Variants in ALAD observed in about 807,000 individuals in gnomAD.
ALAD encodes delta-aminolevulinic acid dehydratase.
Under a neutral mutation model 44.4 loss-of-function variants are expected in ALAD, and 20 were observed. That is an observed-to-expected ratio of 0.45 (90% CI 0.32 to 0.65). The LOEUF (loss-of-function observed/expected upper bound fraction) is 0.65, where lower values mean the gene tolerates loss of function less well. ALAD is among the 30% of genes least tolerant of loss of function. The pLI is 0.05. For missense variants in ALAD, 323 were observed against 445.7 expected (o/e 0.72, Z 2.48); for synonymous variants, 156 against 167.9 (o/e 0.93, Z 0.55).
At chr9:113,395,950 T>C (rs549531652) in intron 1 of ALAD, among the ~76,000 whole-genome samples, 9 of 152,172 alleles carry the variant, frequency 5.9e-5, no homozygotes, top group African/African-American at 1.9e-4. Context: ...TCCCAGCACT[T>C]TGGGAGGCCG....
intron 11 of ALAD, among the ~76,000 whole-genome samples, 196 bp downstream of exon 11, chr9:113,388,781 T>C (rs1267321516): frequency 6.6e-6 from 1 of 152,198 alleles, no homozygotes; most frequent in Non-Finnish European, 1.5e-5. Context: ...CAACCAAAAA[T>C]GAAGGGCTCT....
chr9:113,390,695 G>C lies in ALAD; in HGVS notation c.398-19C>G. The C allele has an allele frequency of 6.2e-7, 1 of 1,612,018 alleles. No homozygotes were observed. The highest frequency in any genetic ancestry group is 1.1e-5 in the South Asian group (1 of 90,746). ...AGGAGCCCTTCAGGACAGATGACTG[G>C]GTTTTGGGGAGCACCTTGGGCCCTG... On this transcript the variant is annotated intron_variant, in intron 5 of 11. Coordinates refer to ENST00000409155, the MANE Select transcript of ALAD (RefSeq NM_000031.6).
In ALAD at chr9:113,390,921, A is replaced by T; in HGVS notation, c.274T>A (p.Ser92Thr). 6.2e-7 allele frequency: 1 copy of T among 1,614,076 alleles called. No individual in the cohort carries two copies. Among genetic ancestry groups the T allele is most frequent in the Non-Finnish European group, 8.5e-7 (1 of 1,180,010 alleles). ...PSRVPKDERGSAADSEESPAI... is the reference protein window; with the variant it reads ...PSRVPKDERGTAADSEESPAI... ...GGGGACTCCTCGGAGTCAGCTGCGGAACCCCGCTCGTCCTAGGGGCAGGGG... is the reference window on the plus strand; with the variant it reads ...GGGGACTCCTCGGAGTCAGCTGCGGTACCCCGCTCGTCCTAGGGGCAGGGG... Residue 92 changes from serine to threonine, a missense_variant, in exon 5 of 12, where the codon TCC (serine) becomes ACC (threonine). By Grantham distance (58) the Ser-to-Thr change is moderately conservative. Transcript: ENST00000409155.
Position 113,388,107 on chromosome 9 carries a change from A to G in ALAD, c.*193T>C. The stretch of plus-strand genomic sequence containing the variant: ...GGGGCGGGGAAGCTTGGGAGAGCTC[A>G]TAGGATGCAGCTGCGAGTTACAAGA... On this transcript the variant is annotated 3_prime_UTR_variant, in exon 12 of 12. Transcript: ENST00000409155. The G allele has an allele frequency of 3.1e-6, 2 of 650,978 alleles. No homozygotes were observed. The highest frequency in any genetic ancestry group is 5.6e-6 in the Non-Finnish European group (2 of 359,670). 40.3% of individuals were successfully genotyped at this position (650,978 alleles called of 1,614,324 possible).
chr9:113,388,194 G>T lies in ALAD; in HGVS notation c.*106C>A. The T allele has an allele frequency of 8.3e-7, 1 of 1,210,200 alleles. No homozygotes were observed. Among genetic ancestry groups the T allele is most frequent in the East Asian group, 2.3e-5 (1 of 42,676 alleles). 75.0% of individuals were successfully genotyped at this position (1,210,200 alleles called of 1,614,324 possible). On this transcript the variant is annotated 3_prime_UTR_variant, in exon 12 of 12. Transcript: ENST00000409155. ...CCCCGCTAGCATGTGAGCAGGAAGAGGGCATGAGGGCACAGTTCTAAAAGC... is the reference window on the plus strand; with the variant it reads ...CCCCGCTAGCATGTGAGCAGGAAGATGGCATGAGGGCACAGTTCTAAAAGC...
chr9:113,400,327 C>T (rs572993923), intron 1 of ALAD, among the ~76,000 whole-genome samples: 2 of 152,266 alleles, frequency 1.3e-5, no homozygotes, highest in Admixed American at 1.3e-4. Context: ...TGTTTCCCAG[C>T]AGGTTGGGCT....
At chr9:113,398,473 A>G (rs1827788174) in intron 1 of ALAD, among the ~76,000 whole-genome samples, 1 of 152,220 alleles carries the variant, frequency 6.6e-6, no homozygotes, top group African/African-American at 2.4e-5. Flanking sequence ...ACCCTGGGGC[A>G]GGACTGCCTA....
intron 1 of ALAD, among the ~76,000 whole-genome samples, chr9:113,394,737 C>A (rs1368808823): frequency 6.6e-6 from 1 of 151,880 alleles, no homozygotes; most frequent in Non-Finnish European, 1.5e-5. Context: ...AGAAAAATCC[C>A]CTGCAATTCT....
intron 2 of ALAD, among the ~76,000 whole-genome samples, chr9:113,392,857 G>A (rs560191498): frequency 1.8e-4 from 22 of 124,554 alleles, no homozygotes; most frequent in South Asian, 4.8e-4. Context: ...TGGCTCCGTC[G>A]CCCAGGCTGG....
At chr9:113,391,487 A>G in intron 4 of ALAD, 40 bp downstream of exon 4, 1 of 1,583,288 alleles carries the variant, frequency 6.3e-7, no homozygotes, top group South Asian at 1.1e-5. Flanking sequence ...TACGGGCGTG[A>G]GCGCAACCTC....
rs371639473 is a variant in ALAD, at chr9:113,389,086, G to A, written c.822C>T (p.Ala274=). 8.1e-6 allele frequency: 13 copies of A among 1,613,972 alleles called. No homozygotes were observed. The highest frequency in any genetic ancestry group is 2.7e-5 in the African/African-American group (2 of 75,052). The change falls in exon 11 of 12, where the codon GCC becomes GCT. Residue 274 remains alanine (A), a synonymous_variant. Transcript: ENST00000409155. Reference sequence around the variant, plus strand: ...CAAACTCTCCAGAGACGTGGTACACGGCGAGAGGGAGGTCAGGGTGCTGCA... The same window carrying A: ...CAAACTCTCCAGAGACGTGGTACACAGCGAGAGGGAGGTCAGGGTGCTGCA... ...VKDKHPDLPL[A]VYHVSGEFAM...
chr9:113,400,633 A>T (rs1189482212), intron 1 of ALAD, among the ~76,000 whole-genome samples: 1 of 152,004 alleles, frequency 6.6e-6, no homozygotes, highest in Non-Finnish European at 1.5e-5. Context: ...GACTAGCCTG[A>T]CCAACAGGGA....
At chr9:113,393,394 AACCCC>A in intron 2 of ALAD, 48 bp downstream of exon 2, 1 of 1,404,480 alleles carries the variant, frequency 7.1e-7, no homozygotes, top group Non-Finnish European at 1.0e-6. Flanking sequence ...CTCCCTCCCC[AACCCC>A]AACCCCAACC....
At chr9:113,388,419 CCTT>C in intron 11 of ALAD, 58 bp from the exon 12 acceptor site, 1 of 1,544,770 alleles carries the variant, frequency 6.5e-7, no homozygotes, top group Non-Finnish European at 8.9e-7. Context: ...TCTGAGCACA[CCTT>C]CTGCGATGGG....
chr9:113,389,306 G>A (rs1037362848), intron 10 of ALAD, 132 bp downstream of exon 10: 3 of 1,326,268 alleles, frequency 2.3e-6, no homozygotes, highest in Non-Finnish European at 2.1e-6. Context: ...AGGCCACGAT[G>A]GTTCCTGGGC....
At chr9:113,389,128 G>C in intron 10 of ALAD, 22 bp from the exon 11 acceptor site, 1 of 1,613,822 alleles carries the variant, frequency 6.2e-7, no homozygotes, top group Non-Finnish European at 8.5e-7. Context: ...CAGACAGGGA[G>C]ACAGGCTGAA....
At chr9:113,400,736 C>T (rs999301698) in intron 1 of ALAD, among the ~76,000 whole-genome samples, 2 of 152,262 alleles carry the variant, frequency 1.3e-5, no homozygotes, top group South Asian at 4.1e-4. Context: ...GCAGGAGAAT[C>T]GCTTGAACCC....
chr9:113,400,504 C>G (rs56107141), intron 1 of ALAD, among the ~76,000 whole-genome samples: 4,101 of 152,208 alleles, frequency 0.027, 160 homozygotes, highest in African/African-American at 0.083. Context: ...GGACTAGAAC[C>G]GACCTCAATG....
At chr9:113,391,885 C>T (rs1426924388) in intron 3 of ALAD, among the ~76,000 whole-genome samples, 1 of 152,212 alleles carries the variant, frequency 6.6e-6, no homozygotes, top group Non-Finnish European at 1.5e-5. Context: ...GTTCAGCTCC[C>T]TTCTGCAACA....
Sources: allele counts gnomAD v4.1 joint callset (sites outside exome capture counted in the v4.1 genomes callset), GRCh38; gene constraint gnomAD v4.1.1; transcripts MANE v1.5; gene names NCBI Gene and HGNC (gene_info 2026-07-23, HGNC 2026-07-21).